The following TMPRSS6 variants were observed in gnomAD, a reference collection of about 807,000 sequenced individuals.
TMPRSS6 encodes the protein transmembrane protease serine 6.
TMPRSS6 carries 67 observed loss-of-function variants against 101.5 expected under a neutral mutation model. That is an observed-to-expected ratio of 0.66 (90% CI 0.54 to 0.81). The LOEUF is 0.81. Ranked by LOEUF, TMPRSS6 falls within the 30% of genes least tolerant of loss-of-function variation. The pLI is 0.00. For missense variants in TMPRSS6, 1,034 were observed against 1,088.7 expected, an observed-to-expected ratio of 0.95 and a Z score of 0.71; for synonymous variants, 453 against 464.9, an observed-to-expected ratio of 0.97 and a Z score of 0.33.
In TMPRSS6 at chr22:37,091,510, A is replaced by G. The variant is rs1267043419; in HGVS notation, c.632-1728T>C. Among the ~76,000 whole-genome samples, 6 of 151,970 alleles carry G rather than the reference A, an allele frequency of 3.9e-5. No homozygotes were observed. The East Asian group carries it at 1.2e-3, about 29-fold the overall frequency. ...ACTACCCTCCCCACCTAGCACCAAC[A>G]CTCATCAGCTGTGTGATGATGTCAT... On this transcript the variant is annotated intron_variant, in intron 6 of 17. Coordinates refer to ENST00000676104, the MANE Select transcript of TMPRSS6 (RefSeq NM_001374504.1).
At position 37,086,354 on chromosome 22, in the gene TMPRSS6, A is replaced by G. The variant is rs1329584543; in HGVS notation, c.902T>C (p.Val301Ala). The G allele has an allele frequency of 6.2e-7, 1 of 1,612,412 alleles. No individual in the cohort carries two copies. The highest frequency in any genetic ancestry group is 8.5e-7 in the Non-Finnish European group (1 of 1,179,372). ...GCTGTGCAGGCCCTTCTTCCAGACG[A>G]CCGCCATGATGGCCCCCGACGCCAG... ...EVLASGAIMAVVWKKGLHSYY... is the reference protein window; with the variant it reads ...EVLASGAIMAAVWKKGLHSYY... Residue 301 changes from valine to alanine, a missense_variant, in exon 8 of 18, where the codon GTC becomes GCC. By Grantham distance (64) the Val-to-Ala change is moderately conservative. Transcript: ENST00000676104.
chr22:37,075,805 A>G (rs1278261043), intron 10 of TMPRSS6, among the ~76,000 whole-genome samples: 1 of 152,056 alleles, frequency 6.6e-6, no homozygotes, highest in Non-Finnish European at 1.5e-5. Flanking sequence ...GGGAGGCTGA[A>G]GCAGGAGAAT....
At chr22:37,066,367 G>T in intron 17 of TMPRSS6, 129 bp from the exon 18 acceptor site, 1 of 1,024,164 alleles carries the variant, frequency 9.8e-7, no homozygotes, top group Non-Finnish European at 1.4e-6. Context: ...CAGTCTTAAA[G>T]CTCTGCTTTC....
intron 5 of TMPRSS6, 37 bp from the exon 6 acceptor site, chr22:37,095,629 C>CAAAAA (rs548945502): frequency 2.4e-5 from 28 of 1,177,184 alleles, no homozygotes; most frequent in South Asian, 9.4e-5. Context: ...TAAACAAGAA[C>CAAAAA]AAAAAAAAAA....
At chr22:37,089,539 T>C in intron 7 of TMPRSS6, 39 bp downstream of exon 7, 1 of 1,500,264 alleles carries the variant, frequency 6.7e-7, no homozygotes. Context: ...CCACTCCCTT[T>C]TCCAGCCCTC....
intron 6 of TMPRSS6, among the ~76,000 whole-genome samples, chr22:37,094,381 T>TGATAGATA (rs67454685): frequency 0.05 from 6,546 of 130,994 alleles, 160 homozygotes; most frequent in Non-Finnish European, 0.056. Context: ...TAATGATTGA[T>TGATAGATA]GATAGATAGA....
At chr22:37,090,102 G>C (rs1363733675) in intron 6 of TMPRSS6, among the ~76,000 whole-genome samples, 1 of 152,388 alleles carries the variant, frequency 6.6e-6, no homozygotes, top group East Asian at 1.9e-4. Flanking sequence ...GAACAGGCAA[G>C]AATAGCTCAG....
intron 8 of TMPRSS6, among the ~76,000 whole-genome samples, chr22:37,085,395 C>T (rs1928657829): frequency 6.6e-6 from 1 of 152,138 alleles, no homozygotes; most frequent in Admixed American, 6.5e-5. Context: ...GCTCTGCTAC[C>T]CATTTAGCGC....
At position 37,103,593 on chromosome 22, in the gene TMPRSS6, G is replaced by A. The variant is rs1601578510; in HGVS notation, c.-1-175C>T. ...GAGACAGCTCACAGAGGAGGGAAGTGCATCTCAGGTCAGCTCGCACCAGAG... is the reference window on the plus strand; with the variant it reads ...GAGACAGCTCACAGAGGAGGGAAGTACATCTCAGGTCAGCTCGCACCAGAG... On this transcript the variant is annotated intron_variant, in intron 1 of 17. Transcript: ENST00000676104. The surrounding 1 kb of genome is among the most constrained non-coding windows in gnomAD (Gnocchi z 4.4). 7 of 1,612,170 alleles carry A rather than the reference G, an allele frequency of 4.3e-6. No homozygotes were observed. The East Asian group carries it at 1.6e-4, about 36-fold the overall frequency.
At chr22:37,077,139 A>C (rs1927746039) in intron 10 of TMPRSS6, among the ~76,000 whole-genome samples, 1 of 152,200 alleles carries the variant, frequency 6.6e-6, no homozygotes, top group Non-Finnish European at 1.5e-5. Context: ...GCCTCATTGC[A>C]CGGGGATTCT....
Position 37,084,003 on chromosome 22 carries a change from A to G in TMPRSS6, c.1196+292T>C, listed in dbSNP as rs1928467527. 6 of 560,806 alleles carry G rather than the reference A, an allele frequency of 1.1e-5. No individual in the cohort carries two copies. The East Asian group carries it at 1.7e-4, about 16-fold the overall frequency. 34.7% of individuals were successfully genotyped at this position (560,806 alleles called of 1,614,324 possible). The stretch of plus-strand genomic sequence containing the variant: ...GTGCCAGAGGGGGTTACAGCACCCA[A>G]GAAGATGAGACAATTTTGCTGTAAT... On this transcript the variant is annotated intron_variant, in intron 10 of 17. Coordinates refer to ENST00000676104, the MANE Select transcript of TMPRSS6 (RefSeq NM_001374504.1).
In TMPRSS6 at chr22:37,089,585, T is replaced by G. The variant is rs1465354604; in HGVS notation, c.829A>C (p.Ile277Leu). 6.2e-7 allele frequency: 1 copy of G among 1,606,338 alleles called. No homozygotes were observed. The highest frequency in any genetic ancestry group is 2.2e-5 in the East Asian group (1 of 44,594). ...DVAGPLEKRL[I>L]TSVYGCSRQE... Reference sequence around the variant, plus strand: ...TCCTTCCCAGGGACTCACGAGGTGATGAGCCTCTTCTCCAGGGGCCCGGCC... The same window carrying G: ...TCCTTCCCAGGGACTCACGAGGTGAGGAGCCTCTTCTCCAGGGGCCCGGCC... The change falls in exon 7 of 18, where the codon ATC (isoleucine) becomes CTC (leucine). Residue 277 changes from isoleucine to leucine, a missense_variant. By Grantham distance (5) the Ile-to-Leu change is conservative. Transcript: ENST00000676104.
chr22:37,073,044 A>ATGGG (rs1927270547), intron 13 of TMPRSS6, among the ~76,000 whole-genome samples: 1 of 130,930 alleles, frequency 7.6e-6, no homozygotes, highest in Non-Finnish European at 1.6e-5. Flanking sequence ...CGGATGGACG[A>ATGGG]TGGGTGGATG....
chr22:37,096,852 G>T, intron 3 of TMPRSS6, 137 bp from the exon 4 acceptor site: 4 of 866,452 alleles, frequency 4.6e-6, no homozygotes, highest in Non-Finnish European at 7.5e-6. Flanking sequence ...GCTTGATCAC[G>T]GTCACACAGT....
chr22:37,092,647 C>T (rs1929372880), intron 6 of TMPRSS6, among the ~76,000 whole-genome samples: 1 of 152,230 alleles, frequency 6.6e-6, no homozygotes, highest in Non-Finnish European at 1.5e-5. Flanking sequence ...CAGGCATGGG[C>T]CACCATGACC....
chr22:37,083,027 G>A, intron 10 of TMPRSS6: 1 of 471,126 alleles, frequency 2.1e-6, no homozygotes, highest in Non-Finnish European at 4.4e-6. Context: ...AAGAATTCTA[G>A]AGCCCCAGAG....
In TMPRSS6 at chr22:37,075,080, A is replaced by G. The variant is rs1486601925; in HGVS notation, c.1342+55T>C. 1.9e-6 allele frequency: 3 copies of G among 1,613,208 alleles called. No individual in the cohort carries two copies. The East Asian group carries it at 6.7e-5, about 36-fold the overall frequency. ...CACAGCCCCCTTGGTGGTTCCAGGG[A>G]TGGCCAAGAGGCAGCGAGTCACTGC... is the stretch of plus-strand genomic sequence containing the variant. On this transcript the variant is annotated intron_variant, in intron 11 of 17. Transcript: ENST00000676104.
At chr22:37,068,802 G>C (rs1010349819) in intron 16 of TMPRSS6, 1 of 706,134 alleles carries the variant, frequency 1.4e-6, no homozygotes, top group African/African-American at 1.8e-5. Flanking sequence ...GCTTGCACGT[G>C]GGCAGTGGCG....
Position 37,103,568 on chromosome 22 carries a change from G to A in TMPRSS6, c.-1-150C>T, listed in dbSNP as rs746853590. On this transcript the variant is annotated intron_variant, in intron 1 of 17. Transcript: ENST00000676104. This position sits in a 1 kb window ranked among gnomAD's most constrained non-coding sequence, Gnocchi z 4.4. ...GCGGCAGTGACTGCAAGTGGGTGCC[G>A]AGACAGCTCACAGAGGAGGGAAGTG... is the stretch of plus-strand genomic sequence containing the variant. 3.5e-5 allele frequency: 57 copies of A among 1,613,490 alleles called. No homozygotes were observed. Among genetic ancestry groups the A allele is most frequent in the South Asian group, 1.8e-4 (16 of 91,068 alleles).
Sources: gnomAD v4.1 joint callset for allele counts (sites outside exome capture counted in the v4.1 genomes callset) on GRCh38, gnomAD v4.1.1 for gene constraint, Gnocchi (gnomAD v3.1) non-coding constraint, MANE v1.5 for transcripts, NCBI Gene and HGNC (gene_info 2026-07-23, HGNC 2026-07-21) for gene names.